FAR2: variants seen among roughly 807,000 people sequenced by gnomAD.
The protein encoded by FAR2 is fatty acyl-CoA reductase 2.
In FAR2, 19 loss-of-function variants were observed where a neutral mutation model predicts 56.0. The observed-to-expected ratio is 0.34, with a 90% CI of 0.24 to 0.50. The LOEUF (loss-of-function observed/expected upper bound fraction) is 0.50, where lower values mean the gene tolerates loss of function less well. Among genes scored for constraint, FAR2 ranks in the 20% least tolerant of loss-of-function variants. The pLI, the probability that FAR2 is intolerant of heterozygous loss-of-function variation, is 0.98. For synonymous variants in FAR2, 219 were observed against 218.8 expected, an observed-to-expected ratio of 1.00 and a Z score of -0.01; for missense variants, 508 against 642.2, an observed-to-expected ratio of 0.79 and a Z score of 2.26.
intron 1 of FAR2, among the ~76,000 whole-genome samples, chr12:29,174,882 G>T (rs181673666): frequency 2.0e-5 from 3 of 152,190 alleles, no homozygotes; most frequent in Non-Finnish European, 2.9e-5. Flanking sequence ...ATGGCCACAA[G>T]GTCAACCAAC....
Position 29,332,482 on chromosome 12 carries a change from G to T in FAR2, c.1258-118G>T. The stretch of plus-strand genomic sequence containing the variant: ...TCAAATAATCTCTCCTTTGGAGAGG[G>T]TCCAACCTATGTCTCCCAAATTGAA... On this transcript the variant is annotated intron_variant, in intron 10 of 11. Transcript: ENST00000536681. 2.1e-6 allele frequency: 3 copies of T among 1,431,866 alleles called. No individual in the cohort carries two copies. In the Admixed American group the frequency reaches 6.4e-5, roughly 30 times the overall value. The allele number at this position is 1,431,866 out of a possible 1,614,324, so 88.7% of individuals were successfully genotyped here. A position where few individuals can be genotyped will look rare whatever the true frequency, so the allele number is the denominator to read the frequency against.
chr12:29,156,085 G>A (rs1189638209), intron 1 of FAR2, among the ~76,000 whole-genome samples: 1 of 152,288 alleles, frequency 6.6e-6, no homozygotes, highest in African/African-American at 2.4e-5. Flanking sequence ...GGCAAAAAGT[G>A]GTAGGGGTGC....
In FAR2 at chr12:29,313,589, T is replaced by G. The variant is rs535755213; in HGVS notation, c.955+1639T>G. On this transcript the variant is annotated intron_variant, in intron 8 of 11. Transcript: ENST00000536681. ...TGTTGTGAAAGGATTCTGTATTGCT[T>G]CAATAGTTAAAGAATTTTGCAGGCT... is the stretch of plus-strand genomic sequence containing the variant. Among the ~76,000 whole-genome samples, 20 of 152,246 alleles carry G rather than the reference T, an allele frequency of 1.3e-4. 1 individual carries two copies. The South Asian group carries it at 3.9e-3, about 30-fold the overall frequency.
At chr12:29,162,805 A>G (rs1949793946) in intron 1 of FAR2, among the ~76,000 whole-genome samples, 1 of 152,188 alleles carries the variant, frequency 6.6e-6, no homozygotes, top group South Asian at 2.1e-4. Flanking sequence ...ACTCTCATCA[A>G]GGTGGAAGAC....
chr12:29,269,446 C>T (rs1296955760), intron 1 of FAR2, among the ~76,000 whole-genome samples: 1 of 152,138 alleles, frequency 6.6e-6, no homozygotes, highest in Non-Finnish European at 1.5e-5. Flanking sequence ...TGCTCAAACA[C>T]ACATGCTGTA....
intron 1 of FAR2, among the ~76,000 whole-genome samples, chr12:29,216,333 G>T (rs1947621142): frequency 6.6e-6 from 1 of 152,128 alleles, no homozygotes; most frequent in South Asian, 2.1e-4. Flanking sequence ...GCCCAATACT[G>T]TTATGTTTTT....
intron 1 of FAR2, among the ~76,000 whole-genome samples, chr12:29,262,360 G>A (rs79608400): frequency 6.6e-6 from 1 of 152,176 alleles, no homozygotes; most frequent in African/African-American, 2.4e-5. Context: ...GCTTGGCGTG[G>A]TGGCTCATGC....
chr12:29,259,838 C>T (rs1025969031), intron 1 of FAR2, among the ~76,000 whole-genome samples: 2 of 152,112 alleles, frequency 1.3e-5, no homozygotes, highest in African/African-American at 4.8e-5. Context: ...CGATACCATA[C>T]ATTATATAGG....
At chr12:29,193,113 A>T (rs1455189600) in intron 1 of FAR2, among the ~76,000 whole-genome samples, 1 of 152,030 alleles carries the variant, frequency 6.6e-6, no homozygotes, top group Non-Finnish European at 1.5e-5. Flanking sequence ...TTTTTGGTTC[A>T]CAGCAAAATT....
chr12:29,329,341 A>G (rs1201156165), intron 10 of FAR2, among the ~76,000 whole-genome samples: 1 of 152,236 alleles, frequency 6.6e-6, no homozygotes, highest in Non-Finnish European at 1.5e-5. Context: ...TCAAAAGGTA[A>G]TGAGCTTGGT....
chr12:29,158,886 G>A (rs565940291), intron 1 of FAR2, among the ~76,000 whole-genome samples: 3 of 152,302 alleles, frequency 2.0e-5, no homozygotes, highest in African/African-American at 7.2e-5. Context: ...TAGTTAGTGG[G>A]TGCATCAAGG....
At chr12:29,218,463 GA>G (rs916901002) in intron 1 of FAR2, among the ~76,000 whole-genome samples, 2 of 151,978 alleles carry the variant, frequency 1.3e-5, no homozygotes, top group Non-Finnish European at 2.9e-5. Context: ...GAAGCAAGGA[GA>G]AAAGAAAGGA....
intron 1 of FAR2, among the ~76,000 whole-genome samples, chr12:29,266,454 A>G (rs1948517682): frequency 1.3e-5 from 2 of 152,164 alleles, no homozygotes; most frequent in South Asian, 4.1e-4. Flanking sequence ...AAAAATTAAA[A>G]CAATTGAACT....
At chr12:29,188,948 C>T (rs1285382788) in intron 1 of FAR2, among the ~76,000 whole-genome samples, 3 of 152,170 alleles carry the variant, frequency 2.0e-5, no homozygotes, top group African/African-American at 7.2e-5. Flanking sequence ...CATATCATAT[C>T]AGGGGTTTTT....
chr12:29,303,529 A>G (rs894168502), intron 4 of FAR2, among the ~76,000 whole-genome samples: 1 of 152,192 alleles, frequency 6.6e-6, no homozygotes, highest in Non-Finnish European at 1.5e-5. Flanking sequence ...CCATGTGAAA[A>G]AGGAAAGGTG....
At chr12:29,265,569 A>C (rs993337761) in intron 1 of FAR2, among the ~76,000 whole-genome samples, 1 of 152,212 alleles carries the variant, frequency 6.6e-6, no homozygotes, top group African/African-American at 2.4e-5. Context: ...CGAACTATGA[A>C]ACTACTGTAA....
intron 1 of FAR2, among the ~76,000 whole-genome samples, chr12:29,211,017 GTA>G (rs1410336981): frequency 9.8e-4 from 149 of 152,142 alleles, no homozygotes; most frequent in African/African-American, 3.1e-3. Flanking sequence ...GTGTGTGTGT[GTA>G]TGTGTGTGTG....
chr12:29,300,704 A>G (rs114765197), intron 4 of FAR2, among the ~76,000 whole-genome samples: 2,452 of 152,116 alleles, frequency 0.016, 66 homozygotes, highest in African/African-American at 0.05. Context: ...GCTCTTAGTA[A>G]TTCAGCAGTT....
At chr12:29,194,461 T>C (rs1285881495) in intron 1 of FAR2, among the ~76,000 whole-genome samples, 8 of 151,386 alleles carry the variant, frequency 5.3e-5, no homozygotes, top group African/African-American at 1.9e-4. Flanking sequence ...TTGTGGCTAG[T>C]CCATAAAGTT....
Sources: gnomAD v4.1 joint callset for allele counts (sites outside exome capture counted in the v4.1 genomes callset) on GRCh38, gnomAD v4.1.1 for gene constraint, MANE v1.5 for transcripts, NCBI Gene and HGNC (gene_info 2026-07-23, HGNC 2026-07-21) for gene names.